Variants in SHISA6 observed in about 807,000 individuals in gnomAD.
SHISA6 encodes the protein shisa family member 6, also known as protein shisa-6.
SHISA6 carries 22 observed loss-of-function variants against 47.9 expected under a neutral mutation model. The observed-to-expected ratio is 0.46, with a 90% CI of 0.33 to 0.66. The LOEUF (loss-of-function observed/expected upper bound fraction) is 0.66. SHISA6 is among the 30% of genes least tolerant of loss of function. The pLI is 0.02. For missense variants in SHISA6, 680 were observed against 764.6 expected (o/e 0.89, Z 1.30); for synonymous variants, 388 against 337.8 (o/e 1.15, Z -1.63).
chr17:11,372,316 G>A (rs1912654065), intron 2 of SHISA6, among the ~76,000 whole-genome samples: 1 of 152,178 alleles, frequency 6.6e-6, no homozygotes, highest in Non-Finnish European at 1.5e-5. Context: ...ATAGGTCAAA[G>A]GCATGCCCTT....
At chr17:11,506,845 G>A (rs770401031) in intron 3 of SHISA6, among the ~76,000 whole-genome samples, 24 of 152,138 alleles carry the variant, frequency 1.6e-4, no homozygotes, top group Non-Finnish European at 2.9e-4. Context: ...CAGCACCGTC[G>A]CCCCAACTGA....
chr17:11,444,348 A>G (rs112564485), intron 3 of SHISA6, among the ~76,000 whole-genome samples: 206 of 152,234 alleles, frequency 1.4e-3, no homozygotes, highest in African/African-American at 4.6e-3. Context: ...AAAGAAAGGA[A>G]GGAGAAAATT....
chr17:11,439,779 T>TGCAA (rs1444708842), intron 3 of SHISA6, among the ~76,000 whole-genome samples: 6 of 152,374 alleles, frequency 3.9e-5, no homozygotes, highest in Admixed American at 2.0e-4. Context: ...AACTTCTGAA[T>TGCAA]GCAACTCTGC....
At chr17:11,418,228 A>C (rs1914342987) in intron 3 of SHISA6, among the ~76,000 whole-genome samples, 2 of 152,292 alleles carry the variant, frequency 1.3e-5, no homozygotes, top group African/African-American at 4.8e-5. Flanking sequence ...TTGGTGTCCA[A>C]GTTTTGATGG....
rs16944910 is a variant in SHISA6 at position 11,507,459 on chromosome 17, G to C, written c.896-44437G>C. On this transcript the variant is annotated intron_variant, in intron 3 of 5. Transcript: ENST00000441885. ...TTCTCATCCTTCATGAACCACCCAG[G>C]CAGATCTCAGTCTGCATTGCCTTGG... Among the ~76,000 whole-genome samples, 868 of 152,202 alleles carry C rather than the reference G, an allele frequency of 5.7e-3. 6 individuals carry two copies. The highest frequency in any genetic ancestry group is 0.02 in the African/African-American group (813 of 41,544).
chr17:11,384,903 A>T (rs1220308785), intron 3 of SHISA6, among the ~76,000 whole-genome samples: 1 of 152,228 alleles, frequency 6.6e-6, no homozygotes, highest in Non-Finnish European at 1.5e-5. Context: ...AAGGAGCTAC[A>T]GTGATCGCTC....
intron 2 of SHISA6, among the ~76,000 whole-genome samples, chr17:11,358,389 C>T (rs1209774553): frequency 6.6e-6 from 1 of 151,882 alleles, no homozygotes; most frequent in African/African-American, 2.4e-5. Flanking sequence ...GATGGAGTCG[C>T]TCTCCTGTCG....
intron 3 of SHISA6, among the ~76,000 whole-genome samples, chr17:11,410,443 C>T (rs1365555093): frequency 6.6e-6 from 1 of 152,136 alleles, no homozygotes; most frequent in African/African-American, 2.4e-5. Context: ...AGTGACTTAC[C>T]CAAATATGCA....
chr17:11,532,739 C>CTTTTTTTTTTTTTTTTTTTTTTTTTTTT (rs71142217), intron 3 of SHISA6, among the ~76,000 whole-genome samples: 1 of 71,256 alleles, frequency 1.4e-5, no homozygotes, highest in Non-Finnish European at 2.4e-5. Context: ...TCTATCAGGG[C>CTTTTTTTTTTTTTTTTTTTTTTTTTTTT]TTTTTTTTTT....
chr17:11,499,517 G>A (rs2071433706), intron 3 of SHISA6, among the ~76,000 whole-genome samples: 1 of 152,110 alleles, frequency 6.6e-6, no homozygotes, highest in African/African-American at 2.4e-5. Flanking sequence ...CTCCCAGCTA[G>A]TTAGCACTTT....
intron 3 of SHISA6, among the ~76,000 whole-genome samples, chr17:11,396,085 A>G (rs543892457): frequency 6.6e-6 from 1 of 152,274 alleles, no homozygotes; most frequent in South Asian, 2.1e-4. Context: ...GAGTTTTTTT[A>G]TTAATCAAGA....
intron 3 of SHISA6, among the ~76,000 whole-genome samples, chr17:11,546,709 C>T (rs2071886424): frequency 6.6e-6 from 1 of 152,124 alleles, no homozygotes; most frequent in African/African-American, 2.4e-5. Flanking sequence ...CACTTGAGGT[C>T]AGGAGTTTGA....
At chr17:11,347,515 CTTA>C (rs1314357037) in intron 2 of SHISA6, among the ~76,000 whole-genome samples, 1 of 152,144 alleles carries the variant, frequency 6.6e-6, no homozygotes, top group Non-Finnish European at 1.5e-5. Flanking sequence ...CATGTATTAT[CTTA>C]TTAATACTTA....
intron 3 of SHISA6, among the ~76,000 whole-genome samples, chr17:11,411,633 A>G (rs545355422): frequency 8.3e-4 from 124 of 149,130 alleles, no homozygotes; most frequent in Admixed American, 1.3e-3. Flanking sequence ...CTGATCTCAG[A>G]TGATCCGCCC....
At chr17:11,413,462 C>T (rs1914195229) in intron 3 of SHISA6, among the ~76,000 whole-genome samples, 1 of 152,232 alleles carries the variant, frequency 6.6e-6, no homozygotes, top group African/African-American at 2.4e-5. Context: ...CCACCAGACA[C>T]CGGCTTCTGT....
chr17:11,441,502 G>A (rs868399397), intron 3 of SHISA6, among the ~76,000 whole-genome samples: 1 of 152,180 alleles, frequency 6.6e-6, no homozygotes, highest in East Asian at 1.9e-4. Flanking sequence ...TGCTTCGTGA[G>A]AACCCAGTGA....
chr17:11,399,401 G>C (rs7207725), intron 3 of SHISA6, among the ~76,000 whole-genome samples: 12,752 of 152,098 alleles, frequency 0.084, 1,555 homozygotes, highest in African/African-American at 0.26. Context: ...ACTATCCATT[G>C]TCCATTTTTT....
At chr17:11,478,897 G>A (rs1309481199) in intron 3 of SHISA6, among the ~76,000 whole-genome samples, 2 of 148,030 alleles carry the variant, frequency 1.4e-5, no homozygotes, top group East Asian at 2.0e-4. Flanking sequence ...TTGACTTGGC[G>A]ATGCGGGCTC....
intron 2 of SHISA6, among the ~76,000 whole-genome samples, chr17:11,324,513 TAGA>T (rs952031815): frequency 1.6e-4 from 25 of 152,238 alleles, no homozygotes; most frequent in African/African-American, 5.5e-4. Flanking sequence ...TCCTGGATAG[TAGA>T]AGCTCTTTTC....
Sources: allele counts gnomAD v4.1 joint callset (sites outside exome capture counted in the v4.1 genomes callset), GRCh38; gene constraint gnomAD v4.1.1; transcripts MANE v1.5; gene names NCBI Gene and HGNC (gene_info 2026-07-23, HGNC 2026-07-21).